Variants in PHACTR4 observed in about 807,000 individuals in gnomAD.
PHACTR4 encodes the protein protein phosphatase 1, regulatory subunit 124.
PHACTR4 carries 51 observed loss-of-function variants against 72.7 expected under a neutral mutation model. The ratio of observed to expected loss-of-function variants is 0.70; its 90% confidence interval spans 0.56 to 0.89. PHACTR4 has a LOEUF of 0.89. PHACTR4 is among the 40% of genes least tolerant of loss of function. PHACTR4 has a pLI of 0.00. For synonymous variants in PHACTR4, 255 were observed against 302.5 expected (o/e 0.84, Z 1.63); for missense variants, 731 against 861.8 (o/e 0.85, Z 1.90).
intron 6 of PHACTR4, among the ~76,000 whole-genome samples, chr1:28,472,232 G>A (rs1417316174): frequency 6.6e-6 from 1 of 151,776 alleles, no homozygotes. Context: ...ATTAGAGACA[G>A]TAGGATGCAG....
chr1:28,410,408 G>A (rs1654703533), intron 2 of PHACTR4, among the ~76,000 whole-genome samples: 1 of 152,050 alleles, frequency 6.6e-6, no homozygotes, highest in South Asian at 2.1e-4. Context: ...CAACTCCGTA[G>A]GTTTGTACTG....
rs528274041 is a variant in PHACTR4 at position 28,461,809 on chromosome 1, C to T, written c.271+1517C>T. 8.6e-5 allele frequency among the ~76,000 whole-genome samples: 13 copies of T among 151,256 alleles called. No individual in the cohort carries two copies. The South Asian group carries it at 2.3e-3, about 27-fold the overall frequency. ...CCTCCCAAAGTGCTGGGATTACAGG[C>T]GTGAGCTGCTGTGCCCAGGTGCTAT... On this transcript the variant is annotated intron_variant, in intron 4 of 13. Coordinates refer to ENST00000373839, the MANE Select transcript of PHACTR4 (RefSeq NM_001048183.3).
At position 28,369,757 on chromosome 1, in the gene PHACTR4, C is replaced by A. The variant is rs1298589466; in HGVS notation, c.-107C>A. Reference sequence around the variant, plus strand: ...AAGGGCTCCGGCTGCTGCCTGGCGGCCAACGGGCCAGGTAGGATTTCCGGG... The same window carrying A: ...AAGGGCTCCGGCTGCTGCCTGGCGGACAACGGGCCAGGTAGGATTTCCGGG... On this transcript the variant is annotated 5_prime_UTR_variant, in exon 1 of 14. Transcript: ENST00000373839. 2.2e-6 allele frequency: 1 copy of A among 446,296 alleles called. No homozygotes were observed. Among genetic ancestry groups the A allele is most frequent in the East Asian group, 7.5e-5 (1 of 13,382 alleles). 27.6% of individuals were successfully genotyped at this position (446,296 alleles called of 1,614,324 possible).
rs1188704308 is a variant in PHACTR4 at position 28,450,974 on chromosome 1, C to CTTTTTTTTTTTTTTT, written c.17-8105_17-8091dup. Among the ~76,000 whole-genome samples the CTTTTTTTTTTTTTTT allele has an allele frequency of 3.0e-3, 217 of 72,026 alleles. 9 individuals are homozygous for CTTTTTTTTTTTTTTT. Among genetic ancestry groups the CTTTTTTTTTTTTTTT allele is most frequent in the African/African-American group, 6.8e-3 (100 of 14,614 alleles). 47.3% of individuals were successfully genotyped at this position (72,026 alleles called of 152,430 possible). ...TACAGGCATGTACCACCACACCCAG[C>CTTTTTTTTTTTTTTT]TTTTTTTTTTTTTTTTTTTTGTATT... is the stretch of plus-strand genomic sequence containing the variant. On this transcript the variant is annotated intron_variant, in intron 2 of 13. Transcript: ENST00000373839.
chr1:28,473,757 C>T lies in PHACTR4; in HGVS notation c.1027C>T (p.Pro343Ser), dbSNP rs768730507. The T allele has an allele frequency of 5.6e-6, 9 of 1,614,080 alleles. No homozygotes were observed. The highest frequency in any genetic ancestry group is 7.6e-6 in the Non-Finnish European group (9 of 1,180,012). ...ELLPMISPRS[P>S]SPPLPTHIPP... ...ACTACCAATGATCTCACCTCGCTCT[C>T]CGTCCCCCCCACTGCCTACTCATAT... Residue 343 changes from proline (P) to serine (S), a missense_variant, in exon 7 of 14, where the codon CCG becomes TCG. Pro to Ser is a moderately conservative substitution (Grantham distance 74, BLOSUM62 -1). This residue lies in a region of PHACTR4 where 621 missense variants were observed against 676.6 expected (regional missense o/e 0.92). Transcript: ENST00000373839.
intron 2 of PHACTR4, among the ~76,000 whole-genome samples, chr1:28,454,290 T>G (rs1172130315): frequency 6.9e-6 from 1 of 145,490 alleles, no homozygotes; most frequent in Non-Finnish European, 1.5e-5. Flanking sequence ...TTTTTTTTTT[T>G]TTTTGAGACG....
At chr1:28,422,540 C>T (rs1189714356) in intron 2 of PHACTR4, 3 of 152,086 alleles carry the variant, frequency 2.0e-5, no homozygotes, top group Non-Finnish European at 4.4e-5. Context: ...CCTTCTTTTC[C>T]TTTACTTTTT....
chr1:28,465,957 T>C (rs1659136405), intron 5 of PHACTR4, 108 bp downstream of exon 5: 1 of 1,158,582 alleles, frequency 8.6e-7, no homozygotes, highest in Admixed American at 2.7e-5. Context: ...AGAATTACAT[T>C]CTCCTTTAAC....
chr1:28,463,665 G>A (rs74064852), intron 4 of PHACTR4, among the ~76,000 whole-genome samples: 15,807 of 152,126 alleles, frequency 0.1, 1,892 homozygotes, highest in African/African-American at 0.3. Context: ...AGATTACTTT[G>A]GCTTTAGAAG....
At chr1:28,384,959 C>T (rs543219182) in intron 1 of PHACTR4, among the ~76,000 whole-genome samples, 1 of 152,216 alleles carries the variant, frequency 6.6e-6, no homozygotes, top group South Asian at 2.1e-4. Context: ...ATTTGTTGAT[C>T]TTCTGAATGA....
chr1:28,409,196 A>C (rs10902704), intron 2 of PHACTR4, among the ~76,000 whole-genome samples: 60,862 of 150,718 alleles, frequency 0.4, 13,837 homozygotes, highest in African/African-American at 0.61. Flanking sequence ...TATTCACAGA[A>C]GCAATCATAG....
chr1:28,407,523 T>C, intron 2 of PHACTR4, 60 bp downstream of exon 2: 4 of 1,472,650 alleles, frequency 2.7e-6, no homozygotes, highest in Non-Finnish European at 3.8e-6. Context: ...TCACCTCCAT[T>C]AAAGCTTTGA....
chr1:28,437,763 A>G (rs563903259), intron 2 of PHACTR4, among the ~76,000 whole-genome samples: 2 of 152,304 alleles, frequency 1.3e-5, no homozygotes, highest in South Asian at 2.1e-4. Context: ...CCCATTTCCT[A>G]TCACCATCAC....
At chr1:28,431,396 TG>T (rs756926158) in intron 2 of PHACTR4, among the ~76,000 whole-genome samples, 12 of 150,280 alleles carry the variant, frequency 8.0e-5, no homozygotes, top group Non-Finnish European at 1.6e-4. Flanking sequence ...GGTTTCACCA[TG>T]TTAGCCAGGA....
chr1:28,410,960 G>A (rs550009495), intron 2 of PHACTR4, among the ~76,000 whole-genome samples: 1 of 152,170 alleles, frequency 6.6e-6, no homozygotes, highest in Admixed American at 6.5e-5. Flanking sequence ...ACCCGCCGTG[G>A]CCTCCCAAAG....
At chr1:28,401,263 G>A (rs1334871374) in intron 1 of PHACTR4, among the ~76,000 whole-genome samples, 2 of 150,524 alleles carry the variant, frequency 1.3e-5, no homozygotes, top group Non-Finnish European at 3.0e-5. Flanking sequence ...TTGAGGCTGA[G>A]ATACTTGGCT....
intron 1 of PHACTR4, among the ~76,000 whole-genome samples, chr1:28,370,943 C>T (rs1651198874): frequency 6.6e-6 from 1 of 152,050 alleles, no homozygotes; most frequent in Non-Finnish European, 1.5e-5. Flanking sequence ...AGGAATGAAG[C>T]CCGTTTAGAA....
chr1:28,369,989 G>T (rs1215050251), intron 1 of PHACTR4, among the ~76,000 whole-genome samples, 164 bp downstream of exon 1: 4 of 152,086 alleles, frequency 2.6e-5, no homozygotes, highest in Non-Finnish European at 5.9e-5. Flanking sequence ...GGGCGGGGCC[G>T]CCGCCTCCCT....
chr1:28,440,171 G>A (rs1347841246), intron 2 of PHACTR4, among the ~76,000 whole-genome samples: 3 of 151,192 alleles, frequency 2.0e-5, no homozygotes, highest in Admixed American at 1.3e-4. Context: ...GCGTGGTGGC[G>A]GGCGCCTGTA....
Sources: gnomAD v4.1 joint callset for allele counts (sites outside exome capture counted in the v4.1 genomes callset) on GRCh38, gnomAD v4.1.1 for gene constraint, gnomAD v4.1.1 regional missense constraint, MANE v1.5 for transcripts, NCBI Gene and HGNC (gene_info 2026-07-23, HGNC 2026-07-21) for gene names.